UBASH3B: variants seen among roughly 807,000 people sequenced by gnomAD.
UBASH3B encodes the protein ubiquitin associated and SH3 domain containing B, also known as ubiquitin-associated and SH3 domain-containing protein B.
UBASH3B carries 37 observed loss-of-function variants against 83.4 expected under a neutral mutation model. The observed-to-expected ratio is 0.44, with a 90% CI of 0.34 to 0.58. The LOEUF (loss-of-function observed/expected upper bound fraction) is 0.58. Among genes scored for constraint, UBASH3B ranks in the 20% least tolerant of loss-of-function variants. The pLI is 0.01. For synonymous variants in UBASH3B, 304 were observed against 318.3 expected, an observed-to-expected ratio of 0.96 and a Z score of 0.48; for missense variants, 657 against 827.2, an observed-to-expected ratio of 0.79 and a Z score of 2.52.
intron 1 of UBASH3B, among the ~76,000 whole-genome samples, chr11:122,689,239 C>T (rs929048312): frequency 3.3e-5 from 5 of 152,090 alleles, no homozygotes; most frequent in African/African-American, 1.2e-4. Context: ...TTAAATTAAA[C>T]AAAATTGAGG....
chr11:122,713,759 A>G (rs1432585916), intron 1 of UBASH3B, among the ~76,000 whole-genome samples: 4 of 152,140 alleles, frequency 2.6e-5, no homozygotes, highest in East Asian at 1.9e-4. Context: ...AAAAAAAAAA[A>G]AAATGAATGT....
At chr11:122,805,265 C>G (rs2135189343) in intron 11 of UBASH3B, among the ~76,000 whole-genome samples, 1 of 152,354 alleles carries the variant, frequency 6.6e-6, no homozygotes, top group South Asian at 2.1e-4. Flanking sequence ...TGCAGTGGCT[C>G]ATGCCTGTAA....
Position 122,717,302 on chromosome 11 carries a change from G to A in UBASH3B, c.162-58917G>A, listed in dbSNP as rs78646291. Among the ~76,000 whole-genome samples the A allele has an allele frequency of 4.5e-3, 683 of 152,306 alleles. 6 individuals are homozygous for A. The highest frequency in any genetic ancestry group is 0.015 in the African/African-American group (636 of 41,572). ...AGAACCACCACTTCCTGGACTAACC[G>A]ATAGCGGAAGGGCCAGGTTCCCTCT... is the stretch of plus-strand genomic sequence containing the variant. On this transcript the variant is annotated intron_variant, in intron 1 of 13. Coordinates refer to ENST00000284273, the MANE Select transcript of UBASH3B (RefSeq NM_032873.5).
At chr11:122,804,485 C>T (rs12287912) in intron 11 of UBASH3B, among the ~76,000 whole-genome samples, 2 of 151,922 alleles carry the variant, frequency 1.3e-5, no homozygotes, top group African/African-American at 2.4e-5. Flanking sequence ...TGTAGAGGAT[C>T]GGCTCACAGG....
intron 1 of UBASH3B, among the ~76,000 whole-genome samples, chr11:122,711,206 T>G (rs1049509228): frequency 4.6e-5 from 7 of 152,202 alleles, no homozygotes; most frequent in African/African-American, 7.2e-5. Flanking sequence ...GCTCCTAATC[T>G]TGCAGTCCCA....
chr11:122,685,523 T>C (rs1410549961), intron 1 of UBASH3B, among the ~76,000 whole-genome samples: 2 of 152,170 alleles, frequency 1.3e-5, no homozygotes, highest in Non-Finnish European at 2.9e-5. Context: ...ATACTTCTTT[T>C]TTACTATTAT....
chr11:122,807,225 G>C (rs1426080294), intron 12 of UBASH3B, among the ~76,000 whole-genome samples: 2 of 152,046 alleles, frequency 1.3e-5, no homozygotes, highest in African/African-American at 4.8e-5. Context: ...TTCTATAGTG[G>C]GAACACTTAA....
chr11:122,743,306 C>G (rs1861056621), intron 1 of UBASH3B, among the ~76,000 whole-genome samples: 2 of 152,148 alleles, frequency 1.3e-5, no homozygotes, highest in Admixed American at 6.5e-5. Flanking sequence ...ACCTCCAACT[C>G]CAGGGCTCAT....
chr11:122,658,040 G>A (rs933613088), intron 1 of UBASH3B, among the ~76,000 whole-genome samples: 2 of 152,074 alleles, frequency 1.3e-5, no homozygotes, highest in Non-Finnish European at 2.9e-5. Flanking sequence ...GCTGGGTGGG[G>A]TGGTGCATGC....
intron 10 of UBASH3B, 93 bp downstream of exon 10, chr11:122,799,127 C>T: frequency 9.4e-7 from 1 of 1,061,200 alleles, no homozygotes; most frequent in Non-Finnish European, 1.4e-6. Context: ...GGGACATTTG[C>T]CAGTTGAAAG....
intron 1 of UBASH3B, among the ~76,000 whole-genome samples, chr11:122,743,150 C>A (rs1033841369): frequency 6.6e-6 from 1 of 152,158 alleles, no homozygotes; most frequent in South Asian, 2.1e-4. Context: ...GTTATGACAG[C>A]CTTGAAAATG....
chr11:122,703,134 T>A (rs1864066301), intron 1 of UBASH3B, among the ~76,000 whole-genome samples: 1 of 151,952 alleles, frequency 6.6e-6, no homozygotes, highest in Non-Finnish European at 1.5e-5. Flanking sequence ...CTTTGAAATA[T>A]TTTTTTCTTT....
intron 1 of UBASH3B, among the ~76,000 whole-genome samples, chr11:122,704,530 G>A (rs1256591259): frequency 6.6e-6 from 1 of 151,130 alleles, no homozygotes; most frequent in Admixed American, 6.6e-5. Flanking sequence ...TTTTTTTTGA[G>A]ACTGAGCCTC....
intron 1 of UBASH3B, among the ~76,000 whole-genome samples, chr11:122,710,153 CA>C (rs533815380): frequency 0.021 from 1,402 of 65,254 alleles, 10 homozygotes; most frequent in African/African-American, 0.057. Flanking sequence ...GAGACTGTCT[CA>C]AAAAAAAAAA....
At chr11:122,754,493 T>G (rs1861252736) in intron 1 of UBASH3B, among the ~76,000 whole-genome samples, 1 of 152,326 alleles carries the variant, frequency 6.6e-6, no homozygotes, top group South Asian at 2.1e-4. Context: ...ATCTTCTAGC[T>G]GGGATGAACA....
At position 122,737,127 on chromosome 11, in the gene UBASH3B, G is replaced by A. The variant is rs117123092; in HGVS notation, c.162-39092G>A. On this transcript the variant is annotated intron_variant, in intron 1 of 13. Coordinates refer to ENST00000284273, the MANE Select transcript of UBASH3B (RefSeq NM_032873.5). ...GGTAGCCTAAAGTAAACCAGGGAAGGGCCAGAAAATAGAGCATACAGGCAA... is the reference window on the plus strand; with the variant it reads ...GGTAGCCTAAAGTAAACCAGGGAAGAGCCAGAAAATAGAGCATACAGGCAA... 4.2e-3 allele frequency among the ~76,000 whole-genome samples: 637 copies of A among 152,166 alleles called. 3 individuals are homozygous for A. Among genetic ancestry groups the A allele is most frequent in the Non-Finnish European group, 6.5e-3 (445 of 68,008 alleles).
chr11:122,713,967 A>C (rs2234), intron 1 of UBASH3B, among the ~76,000 whole-genome samples: 19,331 of 152,120 alleles, frequency 0.13, 1,357 homozygotes, highest in African/African-American at 0.18. Flanking sequence ...TAGGTGGCTC[A>C]CAGAACTATC....
chr11:122,802,045 G>T (rs974805154), intron 11 of UBASH3B, among the ~76,000 whole-genome samples: 1 of 152,120 alleles, frequency 6.6e-6, no homozygotes, highest in Non-Finnish European at 1.5e-5. Flanking sequence ...GGCTGGGCAC[G>T]GTGGCTCACG....
At chr11:122,750,694 G>A (rs1861186131) in intron 1 of UBASH3B, among the ~76,000 whole-genome samples, 1 of 152,146 alleles carries the variant, frequency 6.6e-6, no homozygotes, top group Non-Finnish European at 1.5e-5. Flanking sequence ...TGCATTGAAG[G>A]CTAACCTAGT....
Sources: gnomAD v4.1 joint callset for allele counts (sites outside exome capture counted in the v4.1 genomes callset) on GRCh38, gnomAD v4.1.1 for gene constraint, MANE v1.5 for transcripts, NCBI Gene and HGNC (gene_info 2026-07-23, HGNC 2026-07-21) for gene names.